Variants in FRS2 observed in about 807,000 individuals in gnomAD.
FRS2 encodes FGFR signalling adaptor.
Under a neutral mutation model 43.9 loss-of-function variants are expected in FRS2, and 8 were observed. The ratio of observed to expected loss-of-function variants is 0.18; its 90% CI spans 0.11 to 0.33. The LOEUF (loss-of-function observed/expected upper bound fraction) is 0.33, where lower values mean the gene tolerates loss of function less well. Ranked by LOEUF, FRS2 falls within the 10% of genes least tolerant of loss-of-function variation. The pLI, the probability that FRS2 is intolerant of heterozygous loss-of-function variation, is 1.00. For synonymous variants in FRS2, 219 were observed against 220.3 expected, an observed-to-expected ratio of 0.99 and a Z score of 0.05; for missense variants, 534 against 627.6, an observed-to-expected ratio of 0.85 and a Z score of 1.59.
At position 69,559,954 on chromosome 12, in the gene FRS2, A is replaced by C. The variant is rs970058341; in HGVS notation, c.-121-2226A>C. 2.6e-5 allele frequency among the ~76,000 whole-genome samples: 4 copies of C among 152,220 alleles called. No individual in the cohort carries two copies. The East Asian group carries it at 5.8e-4, about 22-fold the overall frequency. On this transcript the variant is annotated intron_variant, in intron 3 of 8. Coordinates refer to ENST00000549921, the MANE Select transcript of FRS2 (RefSeq NM_001278356.2). Reference sequence around the variant, plus strand: ...TTCCTGGTTGTATTTGAACAAAATTACTGTAGTATAAGCCAAATTCCCCCT... The same window carrying C: ...TTCCTGGTTGTATTTGAACAAAATTCCTGTAGTATAAGCCAAATTCCCCCT...
At chr12:69,498,519 TTGTGTGTGTGTGTGTGTGTG>T (rs71094717) in intron 1 of FRS2, among the ~76,000 whole-genome samples, 1 of 141,502 alleles carries the variant, frequency 7.1e-6, no homozygotes, top group South Asian at 2.4e-4. Flanking sequence ...TTATGAGGGT[TTGTGTGTGTGTGTGTGTGTG>T]TGTGTGTGTG....
rs150451842 is a variant in FRS2, at chr12:69,487,594, T to C, written c.-261+17064T>C. On this transcript the variant is annotated intron_variant, in intron 1 of 8. Coordinates refer to ENST00000549921, the MANE Select transcript of FRS2 (RefSeq NM_001278356.2). ...TGATGGGGATGTACAAGATTAATGT[T>C]GTTTTCATGCCTACTAACACATCTA... Among the ~76,000 whole-genome samples, 1,103 of 152,354 alleles carry C rather than the reference T, an allele frequency of 7.2e-3. 14 individuals carry two copies. Among genetic ancestry groups the C allele is most frequent in the African/African-American group, 0.025 (1,039 of 41,586 alleles).
chr12:69,549,050 T>G (rs1203418867), intron 3 of FRS2, among the ~76,000 whole-genome samples: 1 of 152,170 alleles, frequency 6.6e-6, no homozygotes, highest in Non-Finnish European at 1.5e-5. Context: ...ACAAATACAC[T>G]TATGTGCTTC....
intron 4 of FRS2, among the ~76,000 whole-genome samples, chr12:69,563,126 C>CAATA (rs1880002381): frequency 6.6e-6 from 1 of 152,102 alleles, no homozygotes; most frequent in Non-Finnish European, 1.5e-5. Context: ...ATGGTTGTTC[C>CAATA]TCAAGTGTTT....
intron 1 of FRS2, among the ~76,000 whole-genome samples, chr12:69,513,176 C>T (rs1046601479): frequency 2.0e-5 from 3 of 150,224 alleles, no homozygotes; most frequent in Non-Finnish European, 4.4e-5. Context: ...CCTTTTAATA[C>T]ATTGGATGTA....
intron 1 of FRS2, among the ~76,000 whole-genome samples, chr12:69,503,132 AC>A (rs1348406681): frequency 6.6e-6 from 1 of 152,160 alleles, no homozygotes; most frequent in Non-Finnish European, 1.5e-5. Flanking sequence ...TATTGGCAGA[AC>A]TGAGTTCCTT....
At chr12:69,504,773 GACA>G (rs1873773262) in intron 1 of FRS2, among the ~76,000 whole-genome samples, 1 of 152,048 alleles carries the variant, frequency 6.6e-6, no homozygotes, top group South Asian at 2.1e-4. Context: ...GAAATAAATG[GACA>G]ACTATTTCCA....
At position 69,579,592 on chromosome 12, in the gene FRS2, T is replaced by G. The variant is rs1401782589; in HGVS notation, c.*4637T>G. 6.6e-6 allele frequency: 1 copy of G among 152,364 alleles called. No individual in the cohort carries two copies. Among genetic ancestry groups the G allele is most frequent in the Non-Finnish European group, 1.5e-5 (1 of 68,038 alleles). The allele number at this position is 152,364 out of a possible 1,614,324, so 9.4% of individuals were successfully genotyped here. A position where few individuals can be genotyped will look rare whatever the true frequency, so the allele number is the denominator to read the frequency against. ...TTTTGCAATGCCTTACTGTTGTCAT[T>G]CTAGCATAAATATCCATAATGAGGT... On this transcript the variant is annotated 3_prime_UTR_variant, in exon 9 of 9. Transcript: ENST00000549921.
intron 1 of FRS2, among the ~76,000 whole-genome samples, chr12:69,510,566 A>G (rs1372215756): frequency 6.6e-6 from 1 of 152,122 alleles, no homozygotes; most frequent in Non-Finnish European, 1.5e-5. Flanking sequence ...ACCCTTTATC[A>G]CTAATGTCCA....
intron 3 of FRS2, among the ~76,000 whole-genome samples, chr12:69,536,644 A>T (rs561803432): frequency 2.7e-5 from 4 of 149,910 alleles, no homozygotes; most frequent in Non-Finnish European, 5.9e-5. Flanking sequence ...CAGTGGCACG[A>T]TCCTTTAGCC....
rs1009689401 is a variant in FRS2 at position 69,507,895 on chromosome 12, A to C, written c.-260-22970A>C. Among the ~76,000 whole-genome samples, 5 of 152,000 alleles carry C rather than the reference A, an allele frequency of 3.3e-5. No homozygotes were observed. The East Asian group carries it at 9.6e-4, about 29-fold the overall frequency. ...CAAAATTAACAGGGTGTGGTGGCACATGCCTGTAATCCCAGCTACTCAGGA... is the reference window on the plus strand; with the variant it reads ...CAAAATTAACAGGGTGTGGTGGCACCTGCCTGTAATCCCAGCTACTCAGGA... On this transcript the variant is annotated intron_variant, in intron 1 of 8. Transcript: ENST00000549921.
chr12:69,525,036 G>T (rs977478230), intron 1 of FRS2, among the ~76,000 whole-genome samples: 2 of 152,016 alleles, frequency 1.3e-5, no homozygotes, highest in Non-Finnish European at 2.9e-5. Context: ...CCCTCTGAAG[G>T]TTTGCTAGGA....
chr12:69,510,325 A>G (rs1874338896), intron 1 of FRS2, among the ~76,000 whole-genome samples: 1 of 152,142 alleles, frequency 6.6e-6, no homozygotes, highest in Non-Finnish European at 1.5e-5. Context: ...GTGTCTTGAC[A>G]CTTGTGAATA....
intron 3 of FRS2, among the ~76,000 whole-genome samples, chr12:69,553,579 C>T (rs530426920): frequency 1.3e-5 from 2 of 151,956 alleles, no homozygotes; most frequent in South Asian, 2.1e-4. Context: ...ACGTATTTTT[C>T]CTTGAAAGTA....
At chr12:69,563,588 C>A (rs1186518714) in intron 4 of FRS2, among the ~76,000 whole-genome samples, 1 of 152,184 alleles carries the variant, frequency 6.6e-6, no homozygotes, top group Non-Finnish European at 1.5e-5. Flanking sequence ...ACTGTCTATC[C>A]TGTGGACTGC....
At chr12:69,551,353 AAAAC>A (rs938965944) in intron 3 of FRS2, among the ~76,000 whole-genome samples, 49 of 136,078 alleles carry the variant, frequency 3.6e-4, no homozygotes, top group African/African-American at 1.1e-3. Context: ...ACCCTGTCTC[AAAAC>A]AAACAAACAA....
chr12:69,473,007 A>T (rs1353429838), intron 1 of FRS2, among the ~76,000 whole-genome samples: 3 of 152,208 alleles, frequency 2.0e-5, no homozygotes, highest in African/African-American at 7.2e-5. Context: ...GTAAATACTT[A>T]TGGGTGGTTT....
Position 69,500,212 on chromosome 12 carries a change from T to TA in FRS2, c.-261+29690dup, listed in dbSNP as rs370960096. Among the ~76,000 whole-genome samples, 633 of 151,590 alleles carry TA rather than the reference T, an allele frequency of 4.2e-3. 7 individuals carry two copies. Among genetic ancestry groups the TA allele is most frequent in the African/African-American group, 0.015 (609 of 41,398 alleles). Reference sequence around the variant, plus strand: ...ATTCTCTGAGCCTAAATCTGCCCAGTAAAAAAAACAAAAAACAACAACAAA... The same window carrying TA: ...ATTCTCTGAGCCTAAATCTGCCCAGTAAAAAAAAACAAAAAACAACAACAAA... On this transcript the variant is annotated intron_variant, in intron 1 of 8. Transcript: ENST00000549921.
chr12:69,557,452 CTG>C (rs1879451915), intron 3 of FRS2, among the ~76,000 whole-genome samples: 2 of 152,084 alleles, frequency 1.3e-5, no homozygotes, highest in African/African-American at 4.8e-5. Flanking sequence ...GTGGTGCGAT[CTG>C]TGAATTTTTA....
Sources: gnomAD v4.1 joint callset for allele counts (sites outside exome capture counted in the v4.1 genomes callset) on GRCh38, gnomAD v4.1.1 for gene constraint, MANE v1.5 for transcripts, NCBI Gene and HGNC (gene_info 2026-07-23, HGNC 2026-07-21) for gene names.